Variants in TRAPPC9 observed in about 807,000 individuals in gnomAD.
TRAPPC9 encodes the protein IKK2 binding protein.
In TRAPPC9, 83 loss-of-function variants were observed where a neutral mutation model predicts 124.0. The ratio of observed to expected loss-of-function variants is 0.67; its 90% CI spans 0.56 to 0.80. The LOEUF is 0.80. TRAPPC9 is among the 30% of genes least tolerant of loss of function. TRAPPC9 has a pLI of 0.00. For synonymous variants in TRAPPC9, 638 were observed against 617.5 expected, an observed-to-expected ratio of 1.03 and a Z score of -0.49; for missense variants, 1,302 against 1,508.3, an observed-to-expected ratio of 0.86 and a Z score of 2.27.
At chr8:140,299,331 C>T (rs1352194406) in intron 11 of TRAPPC9, among the ~76,000 whole-genome samples, 4 of 152,094 alleles carry the variant, frequency 2.6e-5, no homozygotes, top group South Asian at 2.1e-4. Context: ...GCCTGCAGTC[C>T]GTAACTCGGG....
chr8:140,319,996 G>T (rs1383515176), intron 9 of TRAPPC9, among the ~76,000 whole-genome samples: 1 of 152,180 alleles, frequency 6.6e-6, no homozygotes. Flanking sequence ...CTCTGAACAG[G>T]TAGAGAATAG....
intron 18 of TRAPPC9, among the ~76,000 whole-genome samples, chr8:140,003,242 A>T (rs1301696311): frequency 6.6e-6 from 1 of 152,196 alleles, no homozygotes; most frequent in Non-Finnish European, 1.5e-5. Flanking sequence ...ACAACAAATA[A>T]GCACATGAAG....
At chr8:139,756,748 G>GGA (rs1819837263) in intron 21 of TRAPPC9, among the ~76,000 whole-genome samples, 2 of 135,054 alleles carry the variant, frequency 1.5e-5, no homozygotes, top group Non-Finnish European at 3.2e-5. Flanking sequence ...CAGGGTTGGG[G>GGA]TATAAGGACA....
At chr8:140,422,795 A>G (rs1339223479) in intron 5 of TRAPPC9, among the ~76,000 whole-genome samples, 1 of 151,816 alleles carries the variant, frequency 6.6e-6, no homozygotes, top group Non-Finnish European at 1.5e-5. Flanking sequence ...CAATAAAAAG[A>G]CAAAAAGACA....
At chr8:139,851,433 C>T (rs549077800) in intron 21 of TRAPPC9, among the ~76,000 whole-genome samples, 15 of 152,246 alleles carry the variant, frequency 9.9e-5, no homozygotes, top group South Asian at 6.2e-4. Context: ...GAGCTGTATG[C>T]GAGTGACAAC....
At chr8:140,138,026 T>C (rs1446488191) in intron 17 of TRAPPC9, among the ~76,000 whole-genome samples, 3 of 152,006 alleles carry the variant, frequency 2.0e-5, no homozygotes, top group African/African-American at 7.3e-5. Flanking sequence ...GCTGACCGGG[T>C]GCACTGGCTC....
At chr8:140,374,923 G>A (rs2068391595) in intron 7 of TRAPPC9, among the ~76,000 whole-genome samples, 1 of 152,194 alleles carries the variant, frequency 6.6e-6, no homozygotes, top group Non-Finnish European at 1.5e-5. Flanking sequence ...TCATTTCAGT[G>A]TAATAAGAAG....
chr8:140,198,070 A>G (rs2062709498), intron 17 of TRAPPC9, among the ~76,000 whole-genome samples: 1 of 152,214 alleles, frequency 6.6e-6, no homozygotes, highest in African/African-American at 2.4e-5. Flanking sequence ...CAGCATCCAC[A>G]GGGTGACCCT....
chr8:140,211,683 A>G (rs919543082), intron 17 of TRAPPC9, among the ~76,000 whole-genome samples: 1 of 152,226 alleles, frequency 6.6e-6, no homozygotes, highest in Non-Finnish European at 1.5e-5. Flanking sequence ...AAAAACCCAG[A>G]GTTAAGCTTT....
intron 21 of TRAPPC9, among the ~76,000 whole-genome samples, chr8:139,803,463 C>G (rs1371487909): frequency 1.3e-5 from 2 of 152,210 alleles, no homozygotes; most frequent in African/African-American, 4.8e-5. Context: ...GGGAGCCCAC[C>G]CTCCAGACAG....
intron 17 of TRAPPC9, among the ~76,000 whole-genome samples, chr8:140,060,129 A>G (rs1842511394): frequency 6.6e-6 from 1 of 152,174 alleles, no homozygotes; most frequent in Non-Finnish European, 1.5e-5. Context: ...TTACCTGTGG[A>G]GCAGCTCGTT....
intron 21 of TRAPPC9, among the ~76,000 whole-genome samples, chr8:139,770,771 A>G (rs1347216870): frequency 6.6e-6 from 1 of 152,236 alleles, no homozygotes; most frequent in Non-Finnish European, 1.5e-5. Flanking sequence ...GTGGTGGGGA[A>G]AACAAGTTCA....
At chr8:140,231,052 C>T (rs1199866715) in intron 16 of TRAPPC9, among the ~76,000 whole-genome samples, 3 of 152,206 alleles carry the variant, frequency 2.0e-5, no homozygotes, top group Admixed American at 6.5e-5. Context: ...GGCAGGAAGC[C>T]TGCATTTAAA....
intron 19 of TRAPPC9, among the ~76,000 whole-genome samples, chr8:139,915,760 A>G (rs6578052): frequency 0.49 from 74,207 of 152,042 alleles, 18,852 homozygotes; most frequent in East Asian, 0.67. Flanking sequence ...GCTGTCTGCT[A>G]ACCCAGAGAG....
chr8:140,447,806 C>T (rs1225706034), intron 2 of TRAPPC9, among the ~76,000 whole-genome samples: 1 of 152,162 alleles, frequency 6.6e-6, no homozygotes, highest in African/African-American at 2.4e-5. Flanking sequence ...CCAAGAGCTG[C>T]AGGGGAGACA....
chr8:139,785,537 A>AACACACACACAC (rs57202244), intron 21 of TRAPPC9, among the ~76,000 whole-genome samples: 25 of 138,302 alleles, frequency 1.8e-4, no homozygotes, highest in South Asian at 7.5e-4. Flanking sequence ...ATCTCTACTA[A>AACACACACACAC]ACACACACAC....
chr8:140,339,933 C>T (rs2067146629), intron 9 of TRAPPC9, among the ~76,000 whole-genome samples: 1 of 152,082 alleles, frequency 6.6e-6, no homozygotes, highest in African/African-American at 2.4e-5. Flanking sequence ...ACCTCCACCT[C>T]CCAGGTTCAA....
chr8:139,892,015 CA>C (rs1830382152), intron 20 of TRAPPC9, among the ~76,000 whole-genome samples: 1 of 152,232 alleles, frequency 6.6e-6, no homozygotes, highest in Non-Finnish European at 1.5e-5. Context: ...AACTGGGCAA[CA>C]ATACCAGGCC....
At chr8:140,021,174 T>C (rs1347247487) in intron 18 of TRAPPC9, among the ~76,000 whole-genome samples, 1 of 152,234 alleles carries the variant, frequency 6.6e-6, no homozygotes, top group East Asian at 1.9e-4. Flanking sequence ...ACGTTCCTTG[T>C]TCTTTTCTCC....
Sources: gnomAD v4.1 joint callset for allele counts (sites outside exome capture counted in the v4.1 genomes callset) on GRCh38, gnomAD v4.1.1 for gene constraint, MANE v1.5 for transcripts, NCBI Gene and HGNC (gene_info 2026-07-23, HGNC 2026-07-21) for gene names.